The following WSCD2 variants were observed in gnomAD, a reference collection of about 807,000 sequenced individuals.
The protein encoded by WSCD2 is WSC domain sialate O sulfotransferase 2, also known as sialate:O-sulfotransferase 2.
Under a neutral mutation model 55.7 loss-of-function variants are expected in WSCD2, and 28 were observed. That is an observed-to-expected ratio of 0.50 (90% CI 0.37 to 0.69). WSCD2 has a LOEUF of 0.69. Ranked by LOEUF, WSCD2 falls within the 30% of genes least tolerant of loss-of-function variation. The pLI is 0.00. For missense variants in WSCD2, 616 were observed against 762.1 expected, an observed-to-expected ratio of 0.81 and a Z score of 2.26; for synonymous variants, 301 against 301.9, an observed-to-expected ratio of 1.00 and a Z score of 0.03.
At chr12:108,232,988 C>A in intron 7 of WSCD2, 93 bp downstream of exon 7, 1 of 1,494,564 alleles carries the variant, frequency 6.7e-7, no homozygotes, top group Non-Finnish European at 9.0e-7. Context: ...CCTTGAGTAT[C>A]TACTGTGTGC....
At chr12:108,191,801 C>T (rs1883198583) in intron 1 of WSCD2, among the ~76,000 whole-genome samples, 1 of 152,160 alleles carries the variant, frequency 6.6e-6, no homozygotes, top group Non-Finnish European at 1.5e-5. Flanking sequence ...AGGTCAGCAC[C>T]TTCCCTCCCC....
rs77841368 is a variant in WSCD2 at position 108,173,810 on chromosome 12, C to G, written c.-551-21472C>G. ...TGAGGCAGAGCTGATTCCTGGCTCTCTGTGTGTGTGTGTGTGTGTGTGTGT... is the reference window on the plus strand; with the variant it reads ...TGAGGCAGAGCTGATTCCTGGCTCTGTGTGTGTGTGTGTGTGTGTGTGTGT... On this transcript the variant is annotated intron_variant, in intron 1 of 8. Transcript: ENST00000547525. Among the ~76,000 whole-genome samples, 409 of 131,238 alleles carry G rather than the reference C, an allele frequency of 3.1e-3. 4 individuals carry two copies. The highest frequency in any genetic ancestry group is 0.011 in the African/African-American group (374 of 32,738). The allele number at this position is 131,238 out of a possible 152,430, so 86.1% of individuals were successfully genotyped here.
intron 1 of WSCD2, chr12:108,149,880 A>C (rs1877792718): frequency 6.6e-6 from 1 of 152,176 alleles, no homozygotes; most frequent in South Asian, 2.1e-4. Flanking sequence ...ACACTGGCTC[A>C]TGTGATGTTC....
intron 1 of WSCD2, among the ~76,000 whole-genome samples, chr12:108,151,383 G>A (rs1296508326): frequency 1.3e-5 from 2 of 152,100 alleles, no homozygotes; most frequent in Admixed American, 6.5e-5. Flanking sequence ...GGGAAAAATT[G>A]GCCCCAGTTA....
At chr12:108,141,352 T>C (rs1380600426) in intron 1 of WSCD2, among the ~76,000 whole-genome samples, 1 of 152,212 alleles carries the variant, frequency 6.6e-6, no homozygotes, top group Non-Finnish European at 1.5e-5. Context: ...GCTCCTGCCT[T>C]GGCCTCCTGA....
intron 1 of WSCD2, among the ~76,000 whole-genome samples, chr12:108,143,310 G>T (rs774205015): frequency 6.6e-6 from 1 of 152,176 alleles, no homozygotes; most frequent in Non-Finnish European, 1.5e-5. Flanking sequence ...CTAGGGAAAT[G>T]ATCGCTGCTG....
rs78720374 is a variant in WSCD2, at chr12:108,145,334, G to C, written c.-552+15408G>C. 3.2e-4 allele frequency among the ~76,000 whole-genome samples: 49 copies of C among 152,300 alleles called. 1 individual carries two copies. The East Asian group carries it at 9.3e-3, about 29-fold the overall frequency. ...CTCCAAGCTCCACAGCATTCCTTAA[G>C]GCTTTGTGATTACAGCGTTGTGTGT... On this transcript the variant is annotated intron_variant, in intron 1 of 8. Coordinates refer to ENST00000547525, the MANE Select transcript of WSCD2 (RefSeq NM_014653.4).
intron 4 of WSCD2, among the ~76,000 whole-genome samples, chr12:108,223,496 T>G (rs1366317571): frequency 6.6e-6 from 1 of 152,190 alleles, no homozygotes; most frequent in East Asian, 1.9e-4. Context: ...GTGTTGTCAT[T>G]CCAGACATTA....
intron 1 of WSCD2, among the ~76,000 whole-genome samples, chr12:108,170,068 C>G (rs1383487430): frequency 6.6e-6 from 1 of 152,188 alleles, no homozygotes; most frequent in Non-Finnish European, 1.5e-5. Flanking sequence ...TTGCTTTTCT[C>G]TCCCCAAAGG....
intron 8 of WSCD2, among the ~76,000 whole-genome samples, chr12:108,246,328 G>A (rs1277271117): frequency 1.3e-5 from 2 of 152,222 alleles, no homozygotes; most frequent in Admixed American, 6.5e-5. Flanking sequence ...TGCAGCCTGG[G>A]GGACTCACCA....
chr12:108,199,345 G>T (rs1446571083), intron 2 of WSCD2, among the ~76,000 whole-genome samples: 1 of 152,188 alleles, frequency 6.6e-6, no homozygotes, highest in African/African-American at 2.4e-5. Flanking sequence ...AGTGGGAGGG[G>T]AGGAGCTGCA....
chr12:108,245,627 T>A (rs1245056716), intron 8 of WSCD2, among the ~76,000 whole-genome samples: 1 of 152,148 alleles, frequency 6.6e-6, no homozygotes, highest in East Asian at 1.9e-4. Context: ...GGGTGCTGGG[T>A]GACAAGCACC....
intron 1 of WSCD2, among the ~76,000 whole-genome samples, chr12:108,163,066 A>G (rs1364673782): frequency 1.3e-5 from 2 of 152,232 alleles, no homozygotes; most frequent in South Asian, 2.1e-4. Context: ...CATGAAGCTA[A>G]TAAGTGGTAG....
intron 1 of WSCD2, among the ~76,000 whole-genome samples, chr12:108,142,753 C>T (rs1241733970): frequency 1.3e-5 from 2 of 152,146 alleles, no homozygotes; most frequent in South Asian, 2.1e-4. Context: ...TTACAGGTCT[C>T]TCTTTCTGGT....
chr12:108,213,380 C>T (rs1313907232), intron 4 of WSCD2, among the ~76,000 whole-genome samples: 2 of 152,306 alleles, frequency 1.3e-5, no homozygotes, highest in East Asian at 1.9e-4. Flanking sequence ...GTGAAAGGGA[C>T]AGCCATGTGT....
At chr12:108,184,491 C>A (rs78373221) in intron 1 of WSCD2, among the ~76,000 whole-genome samples, 2 of 152,166 alleles carry the variant, frequency 1.3e-5, no homozygotes, top group Admixed American at 1.3e-4. Flanking sequence ...CAGTGTGGAA[C>A]CAGCAAATGG....
intron 2 of WSCD2, chr12:108,197,184 GA>G (rs1372975933): frequency 6.6e-6 from 1 of 152,196 alleles, no homozygotes; most frequent in Non-Finnish European, 1.5e-5. Flanking sequence ...AAGGCAGATG[GA>G]AAATCTCACT....
chr12:108,208,982 T>G (rs1396146288), intron 3 of WSCD2, among the ~76,000 whole-genome samples: 1 of 152,228 alleles, frequency 6.6e-6, no homozygotes, highest in East Asian at 1.9e-4. Context: ...GATATTATAT[T>G]CTAGAGAACA....
intron 1 of WSCD2, among the ~76,000 whole-genome samples, chr12:108,190,269 T>C (rs1882997272): frequency 6.6e-6 from 1 of 152,190 alleles, no homozygotes; most frequent in African/African-American, 2.4e-5. Flanking sequence ...GGCTCCCCAG[T>C]TTCTTGGAAA....
Sources: gnomAD v4.1 joint callset for allele counts (sites outside exome capture counted in the v4.1 genomes callset) on GRCh38, gnomAD v4.1.1 for gene constraint, MANE v1.5 for transcripts, NCBI Gene and HGNC (gene_info 2026-07-23, HGNC 2026-07-21) for gene names.